Variants in MYLK4 observed in about 807,000 individuals in gnomAD.
MYLK4 encodes the protein caMLCK like.
In MYLK4, 46 loss-of-function variants were observed where a neutral mutation model predicts 48.1. The ratio of observed to expected loss-of-function variants is 0.96; its 90% CI spans 0.75 to 1.22. The LOEUF is 1.22. MYLK4 is among the 50% of genes most tolerant of loss of function. The pLI, the probability that MYLK4 is intolerant of heterozygous loss-of-function variation, is 0.00. For missense variants in MYLK4, 451 were observed against 486.1 expected (o/e 0.93, Z 0.68); for synonymous variants, 170 against 180.8 (o/e 0.94, Z 0.48).
rs1274298565 is a variant in MYLK4 at position 2,685,172 on chromosome 6, G to A, written c.545+124C>T. The A allele has an allele frequency of 8.6e-6, 6 of 700,372 alleles. No individual in the cohort carries two copies. The highest frequency in any genetic ancestry group is 3.5e-5 in the African/African-American group (2 of 57,424). The allele number at this position is 700,372 out of a possible 1,614,324, so 43.4% of individuals were successfully genotyped here. A position where few individuals can be genotyped will look rare whatever the true frequency, so the allele number is the denominator to read the frequency against. On this transcript the variant is annotated intron_variant, in intron 6 of 12. Coordinates refer to ENST00000274643, the MANE Select transcript of MYLK4 (RefSeq NM_001012418.5). This position sits in a 1 kb window ranked among gnomAD's most constrained non-coding sequence, Gnocchi z 4.5. The stretch of plus-strand genomic sequence containing the variant: ...ACTGATGTGATTGTGTGATCCGCGC[G>A]AATCAGAGTCTGCGGGGGCGAGCTT...
intron 8 of MYLK4, 78 bp from the exon 9 acceptor site, chr6:2,679,486 G>C (rs764803386): frequency 6.5e-7 from 1 of 1,544,214 alleles, no homozygotes. Context: ...TAGTCTATGA[G>C]ACAAAATGAC....
rs901481480 is a variant in MYLK4, at chr6:2,673,153, G to A, written c.1120-1805C>T. On this transcript the variant is annotated intron_variant, in intron 11 of 12. Coordinates refer to ENST00000274643, the MANE Select transcript of MYLK4 (RefSeq NM_001012418.5). This position sits in a 1 kb window ranked among gnomAD's most constrained non-coding sequence, Gnocchi z 4.2. ...AACTGTACAATGTCATTAATTATCT[G>A]CTGTGGTTTCTATACTATCCTGCCA... 1.1e-4 allele frequency among the ~76,000 whole-genome samples: 17 copies of A among 152,128 alleles called. No individual in the cohort carries two copies. Among genetic ancestry groups the A allele is most frequent in the African/African-American group, 3.9e-4 (16 of 41,426 alleles).
intron 2 of MYLK4, among the ~76,000 whole-genome samples, chr6:2,725,043 C>G (rs1172627854): frequency 6.6e-6 from 1 of 152,026 alleles, no homozygotes; most frequent in Non-Finnish European, 1.5e-5. Flanking sequence ...TCCAGCTGCT[C>G]GAGAGGCTGA....
At chr6:2,767,045 C>T in the MYLK4 span, among the ~76,000 whole-genome samples, 6 of 152,160 alleles carry the variant, frequency 3.9e-5, no homozygotes, top group African/African-American at 9.7e-5. Flanking sequence ...ACTTTTTCAT[C>T]TGCAAGTCAT....
chr6:2,683,287 T>C (rs1761388007), intron 6 of MYLK4, 125 bp from the exon 7 acceptor site: 1 of 1,008,322 alleles, frequency 9.9e-7, no homozygotes, highest in African/African-American at 1.6e-5. Context: ...GTTATTTCTC[T>C]GCCTTCTTTA....
intron 2 of MYLK4, among the ~76,000 whole-genome samples, chr6:2,727,901 C>A (rs1763333470): frequency 1.4e-5 from 2 of 146,566 alleles, no homozygotes; most frequent in Admixed American, 6.9e-5. Context: ...GAGCCGAGAT[C>A]ACGCCACTGC....
chr6:2,765,600 C>G, the MYLK4 span: 1 of 1,489,076 alleles, frequency 6.7e-7, no homozygotes, highest in East Asian at 2.9e-5. Context: ...CCGCGCCGGG[C>G]GCCGGGGAGG....
At chr6:2,705,581 G>A (rs1031165946) in intron 2 of MYLK4, among the ~76,000 whole-genome samples, 1 of 152,146 alleles carries the variant, frequency 6.6e-6, no homozygotes, top group Admixed American at 6.5e-5. Context: ...CTCCAAGGCA[G>A]GAAATTGCTG....
At chr6:2,748,176 A>C (rs909730961) in intron 2 of MYLK4, among the ~76,000 whole-genome samples, 5 of 152,234 alleles carry the variant, frequency 3.3e-5, no homozygotes, top group Admixed American at 6.5e-5. Context: ...TCTGATTATC[A>C]AAAATAATGG....
At chr6:2,702,731 A>G (rs1007653991) in intron 2 of MYLK4, among the ~76,000 whole-genome samples, 5 of 152,354 alleles carry the variant, frequency 3.3e-5, no homozygotes, top group East Asian at 1.9e-4. Flanking sequence ...CAATGTATAC[A>G]TAGATCAAAA....
chr6:2,762,362 T>C, the MYLK4 span, among the ~76,000 whole-genome samples: 1 of 152,194 alleles, frequency 6.6e-6, no homozygotes, highest in South Asian at 2.1e-4. Context: ...ACCAAAATAC[T>C]AACAATGATT....
intron 2 of MYLK4, among the ~76,000 whole-genome samples, chr6:2,740,165 C>T (rs1763845676): frequency 6.6e-6 from 1 of 152,196 alleles, no homozygotes; most frequent in South Asian, 2.1e-4. Context: ...TGGGTCTCCA[C>T]TGTAAAGTGG....
rs573445625 is a variant in MYLK4 at position 2,739,701 on chromosome 6, T to G, written c.159+9435A>C. 3.9e-5 allele frequency among the ~76,000 whole-genome samples: 6 copies of G among 152,310 alleles called. No individual in the cohort carries two copies. In the South Asian group the frequency reaches 1.2e-3, roughly 32 times the overall value. On this transcript the variant is annotated intron_variant, in intron 2 of 12. Coordinates refer to ENST00000274643, the MANE Select transcript of MYLK4 (RefSeq NM_001012418.5). ...ATGAGGTTTTAAAAAATCATTACAA[T>G]TAATACAAAATGCCAGGAGGCACTG...
chr6:2,766,486 G>C, the MYLK4 span: 1 of 1,462,066 alleles, frequency 6.8e-7, no homozygotes, highest in Non-Finnish European at 9.1e-7. Flanking sequence ...AGTTATCTCG[G>C]CGGTGGATGC....
chr6:2,680,027 T>TA (rs1339325446), intron 8 of MYLK4, among the ~76,000 whole-genome samples, 194 bp downstream of exon 8: 29 of 152,372 alleles, frequency 1.9e-4, no homozygotes, highest in Admixed American at 1.6e-3. Context: ...TTATACTTTT[T>TA]ACTGCATGCA....
intron 2 of MYLK4, among the ~76,000 whole-genome samples, chr6:2,743,187 G>A (rs1267774349): frequency 2.0e-5 from 3 of 152,142 alleles, no homozygotes; most frequent in Non-Finnish European, 2.9e-5. Context: ...GAGAAACACC[G>A]CCATAAACCC....
chr6:2,760,044 A>C, the MYLK4 span, among the ~76,000 whole-genome samples: 1 of 152,254 alleles, frequency 6.6e-6, no homozygotes, highest in Non-Finnish European at 1.5e-5. Flanking sequence ...TAAAAAACCA[A>C]TACAGTATAA....
intron 2 of MYLK4, among the ~76,000 whole-genome samples, chr6:2,704,933 G>A (rs1240033391): frequency 6.6e-6 from 1 of 152,190 alleles, no homozygotes; most frequent in African/African-American, 2.4e-5. Flanking sequence ...CAGCTTTAAA[G>A]TTCTAGGATG....
intron 2 of MYLK4, among the ~76,000 whole-genome samples, chr6:2,723,023 G>A (rs1237392169): frequency 6.6e-6 from 1 of 152,022 alleles, no homozygotes; most frequent in Non-Finnish European, 1.5e-5. Context: ...TGGGCATGGT[G>A]GCTCACACCT....
Sources: gnomAD v4.1 joint callset for allele counts (sites outside exome capture counted in the v4.1 genomes callset) on GRCh38, gnomAD v4.1.1 for gene constraint, Gnocchi (gnomAD v3.1) non-coding constraint, MANE v1.5 for transcripts, NCBI Gene and HGNC (gene_info 2026-07-23, HGNC 2026-07-21) for gene names.